The following SLC45A1 variants were observed in gnomAD, a reference collection of about 807,000 sequenced individuals.
The protein encoded by SLC45A1 is proton-associated sugar transporter A.
A neutral mutation model predicts 57.6 loss-of-function variants in SLC45A1; 28 were observed. That is an observed-to-expected ratio of 0.49 (90% CI 0.36 to 0.67). The LOEUF (loss-of-function observed/expected upper bound fraction) is 0.67. Among genes scored for constraint, SLC45A1 ranks in the 30% least tolerant of loss-of-function variants. The pLI, the probability that SLC45A1 is intolerant of heterozygous loss-of-function variation, is 0.00. For synonymous variants in SLC45A1, 459 were observed against 471.5 expected (o/e 0.97, Z 0.34); for missense variants, 814 against 1,041.5 (o/e 0.78, Z 3.01).
At position 8,330,818 on chromosome 1, in the gene SLC45A1, C is replaced by T. The variant is rs1292446296; in HGVS notation, c.1325C>T (p.Thr442Ile). The T allele has an allele frequency of 1.9e-6, 3 of 1,613,506 alleles. No individual in the cohort carries two copies. The highest frequency in any genetic ancestry group is 2.2e-5 in the South Asian group (2 of 91,086). Reference protein sequence around the residue: ...GDILRVGSLDTSKPRSSGILK... With the variant: ...GDILRVGSLDISKPRSSGILK... The stretch of plus-strand genomic sequence containing the variant: ...ATTCTGAGGGTGGGCTCCTTGGACA[C>T]CTCTAAGCCGAGGTCATCAGGGATT... Residue 442 changes from threonine (T) to isoleucine (I), a missense_variant, in exon 5 of 9, where the codon ACC (threonine) becomes ATC (isoleucine). By Grantham distance (89) the Thr-to-Ile change is moderately conservative. Coordinates refer to ENST00000471889, the MANE Select transcript of SLC45A1 (RefSeq NM_001080397.3). The surrounding 1 kb of genome is among the most constrained non-coding windows in gnomAD (Gnocchi z 8.4).
At chr1:8,324,267 C>T (rs771746461) in intron 1 of SLC45A1, 39 bp from the exon 2 acceptor site, 12 of 1,559,614 alleles carry the variant, frequency 7.7e-6, no homozygotes, top group Admixed American at 1.8e-5. Flanking sequence ...ACTACCCAGG[C>T]AAAAGTAACT....
rs953933686 is a variant in SLC45A1, at chr1:8,328,796, G to C, written c.716-1413G>C. Among the ~76,000 whole-genome samples the C allele has an allele frequency of 4.6e-5, 7 of 152,192 alleles. No homozygotes were observed. The highest frequency in any genetic ancestry group is 1.4e-4 in the African/African-American group (6 of 41,430). On this transcript the variant is annotated intron_variant, in intron 4 of 8. Transcript: ENST00000471889. This position sits in a 1 kb window ranked among gnomAD's most constrained non-coding sequence, Gnocchi z 4.6. ...GGAGGTGGCAGTGAGCTGAGATGGT[G>C]CTGCTGCACTCCAGCCTGGGCAATA...
intron 5 of SLC45A1, 94 bp downstream of exon 5, chr1:8,331,030 A>G: frequency 6.9e-7 from 1 of 1,452,728 alleles, no homozygotes; most frequent in Non-Finnish European, 9.2e-7. Context: ...TCCCTCCAGG[A>G]AGAAATTCCC....
Position 8,318,139 on chromosome 1 carries a change from A to G in SLC45A1, c.-72A>G. The G allele has an allele frequency of 2.2e-6, 1 of 462,730 alleles. No individual in the cohort carries two copies. The highest frequency in any genetic ancestry group is 4.4e-5 in the South Asian group (1 of 22,528). 28.7% of individuals were successfully genotyped at this position (462,730 alleles called of 1,614,324 possible). A position where few individuals can be genotyped will look rare whatever the true frequency, so the allele number is the denominator to read the frequency against. ...GCAGCAGCCGGGACCGCGGCCGGGCAGGCAGCAGCCCAGCGGGGACAGGGA... is the reference window on the plus strand; with the variant it reads ...GCAGCAGCCGGGACCGCGGCCGGGCGGGCAGCAGCCCAGCGGGGACAGGGA... On this transcript the variant is annotated 5_prime_UTR_variant, in exon 1 of 9. Transcript: ENST00000471889.
rs1466162461 is a variant in SLC45A1, at chr1:8,330,644, G to T, written c.1151G>T (p.Gly384Val). ...GTCCTCATTGACTGCTTCACGGGCG[G>T]CCACGACAGCTACCTGGCCATCCCT... ...DSVLIDCFTGGHDSYLAIPGS... is the reference protein window; with the variant it reads ...DSVLIDCFTGVHDSYLAIPGS... The change falls in exon 5 of 9, where the codon GGC becomes GTC. Residue 384 changes from glycine to valine, a missense_variant. Gly to Val is a moderately radical substitution (Grantham distance 109). Coordinates refer to ENST00000471889, the MANE Select transcript of SLC45A1 (RefSeq NM_001080397.3). This position sits in a 1 kb window ranked among gnomAD's most constrained non-coding sequence, Gnocchi z 8.4. The T allele has an allele frequency of 6.2e-7, 1 of 1,613,470 alleles. No homozygotes were observed. The highest frequency in any genetic ancestry group is 1.3e-5 in the African/African-American group (1 of 75,058).
chr1:8,341,993 G>A (rs1359651948), intron 8 of SLC45A1, among the ~76,000 whole-genome samples: 1 of 152,128 alleles, frequency 6.6e-6, no homozygotes, highest in Admixed American at 6.6e-5. Context: ...GGATCACGAG[G>A]TCAGGAGATC....
At chr1:8,336,322 A>G (rs1204173261) in intron 6 of SLC45A1, among the ~76,000 whole-genome samples, 1 of 151,830 alleles carries the variant, frequency 6.6e-6, no homozygotes, top group Non-Finnish European at 1.5e-5. Context: ...AGGCAGGAGA[A>G]TCGCTTGAAC....
At position 8,343,526 on chromosome 1, in the gene SLC45A1, C is replaced by T. The variant is rs1557571913; in HGVS notation, c.1981-221C>T. On this transcript the variant is annotated intron_variant, in intron 8 of 8. Transcript: ENST00000471889. The surrounding 1 kb of genome is among the most constrained non-coding windows in gnomAD (Gnocchi z 7.7). ...CACCTCGGCCCGTGGGAGCTCAGCC[C>T]TCTGCCCCATTAGTCATGGATTCTT... 6.6e-6 allele frequency among the ~76,000 whole-genome samples: 1 copy of T among 152,170 alleles called. No individual in the cohort carries two copies. Among genetic ancestry groups the T allele is most frequent in the Non-Finnish European group, 1.5e-5 (1 of 68,012 alleles).
At position 8,330,408 on chromosome 1, in the gene SLC45A1, C is replaced by T. The variant is rs771766300; in HGVS notation, c.915C>T (p.Ser305=). ...PPSEKRAAMK[S]PSLPLPPSPP... is the part of the protein sequence containing the mutation. ...GTGAGAAGCGGGCAGCCATGAAGAG[C>T]CCCAGCCTCCCGCTGCCCCCGTCCC... The change falls in exon 5 of 9, where the codon AGC becomes AGT. Residue 305 remains serine, a synonymous_variant. Coordinates refer to ENST00000471889, the MANE Select transcript of SLC45A1 (RefSeq NM_001080397.3). This position sits in a 1 kb window ranked among gnomAD's most constrained non-coding sequence, Gnocchi z 8.4. 2.5e-6 allele frequency: 4 copies of T among 1,612,326 alleles called. No individual in the cohort carries two copies. Among genetic ancestry groups the T allele is most frequent in the Non-Finnish European group, 3.4e-6 (4 of 1,179,674 alleles).
In SLC45A1 at chr1:8,335,288, G is replaced by A. The variant is rs528782898; in HGVS notation, c.1444-149G>A. The A allele has an allele frequency of 8.1e-6, 6 of 742,122 alleles. No homozygotes were observed. In the East Asian group the frequency reaches 8.9e-5, roughly 11 times the overall value. 46.0% of individuals were successfully genotyped at this position (742,122 alleles called of 1,614,324 possible). A position where few individuals can be genotyped will look rare whatever the true frequency, so the allele number is the denominator to read the frequency against. ...AATTTGTTCCTCTGAGGTTGGCGTC[G>A]ACACGGGGCTCATGCCGTCAGATAA... On this transcript the variant is annotated intron_variant, in intron 5 of 8. Transcript: ENST00000471889. This position sits in a 1 kb window ranked among gnomAD's most constrained non-coding sequence, Gnocchi z 4.1.
At chr1:8,320,657 G>GTCTC (rs559573564) in intron 1 of SLC45A1, among the ~76,000 whole-genome samples, 77 of 137,952 alleles carry the variant, frequency 5.6e-4, no homozygotes, top group South Asian at 4.2e-3. Context: ...CTGTCTGTCT[G>GTCTC]TCTCTCTCTC....
intron 1 of SLC45A1, among the ~76,000 whole-genome samples, chr1:8,320,505 G>A (rs1267971621): frequency 6.6e-6 from 1 of 152,146 alleles, no homozygotes; most frequent in East Asian, 1.9e-4. Context: ...TTAGCCTGGT[G>A]TGGTGGTGTG....
Position 8,337,973 on chromosome 1 carries a change from C to A in SLC45A1, c.1755C>A (p.Phe585Leu). The change falls in exon 7 of 9, where the codon TTC becomes TTA. Residue 585 changes from phenylalanine (F) to leucine (L), a missense_variant. Physicochemically the swap from Phe to Leu is conservative, Grantham distance 22. Transcript: ENST00000471889. The stretch of plus-strand genomic sequence containing the variant: ...GCTGGGGCATGTGTATCTACGCCTT[C>A]AGTGCTGCCTTCTACTCAGGTACCC... ...MGCWGMCIYA[F>L]SAAFYSAILE... is the part of the protein sequence containing the mutation. 6.2e-7 allele frequency: 1 copy of A among 1,614,014 alleles called. No homozygotes were observed. Among genetic ancestry groups the A allele is most frequent in the Non-Finnish European group, 8.5e-7 (1 of 1,179,974 alleles).
chr1:8,332,605 G>A (rs571357123), intron 5 of SLC45A1, among the ~76,000 whole-genome samples: 131 of 150,890 alleles, frequency 8.7e-4, no homozygotes, highest in Non-Finnish European at 1.6e-3. Context: ...TCTGCCTCCC[G>A]GGTTCAAGTG....
intron 5 of SLC45A1, among the ~76,000 whole-genome samples, chr1:8,331,950 T>G (rs1299047884): frequency 6.6e-6 from 1 of 151,994 alleles, no homozygotes; most frequent in Non-Finnish European, 1.5e-5. Flanking sequence ...CCGCCACCAC[T>G]CCTGGCTAAT....
At chr1:8,340,415 G>T (rs898383713) in intron 8 of SLC45A1, among the ~76,000 whole-genome samples, 1 of 152,144 alleles carries the variant, frequency 6.6e-6, no homozygotes, top group African/African-American at 2.4e-5. Flanking sequence ...GCCCGCCTCA[G>T]CCTCCCAAAG....
At chr1:8,341,660 C>T (rs1035758142) in intron 8 of SLC45A1, among the ~76,000 whole-genome samples, 2 of 151,720 alleles carry the variant, frequency 1.3e-5, no homozygotes, top group African/African-American at 2.4e-5. Context: ...CAGTAGCTCA[C>T]GCCCGTAATC....
At chr1:8,329,219 A>C (rs959760613) in intron 4 of SLC45A1, among the ~76,000 whole-genome samples, 1 of 152,252 alleles carries the variant, frequency 6.6e-6, no homozygotes, top group Non-Finnish European at 1.5e-5. Flanking sequence ...TGTCCATAGA[A>C]GTTCTTATTT....
At position 8,330,188 on chromosome 1, in the gene SLC45A1, A is replaced by G; in HGVS notation, c.716-21A>G. The G allele has an allele frequency of 6.2e-7, 1 of 1,607,364 alleles. No individual in the cohort carries two copies. The highest frequency in any genetic ancestry group is 8.5e-7 in the Non-Finnish European group (1 of 1,176,226). ...CTTCTCCTCCCGCAGAAGGGAACTC[A>G]AACCCTGTCTCTTTCCCCAGGTCTC... On this transcript the variant is annotated intron_variant, in intron 4 of 8. Transcript: ENST00000471889. This position sits in a 1 kb window ranked among gnomAD's most constrained non-coding sequence, Gnocchi z 8.4.
Sources: allele counts gnomAD v4.1 joint callset (sites outside exome capture counted in the v4.1 genomes callset), GRCh38; gene constraint gnomAD v4.1.1; non-coding constraint Gnocchi (gnomAD v3.1); transcripts MANE v1.5; gene names NCBI Gene and HGNC (gene_info 2026-07-23, HGNC 2026-07-21).